ESR2: variants seen among roughly 807,000 people sequenced by gnomAD.
The protein encoded by ESR2 is estrogen receptor 2, also known as estrogen receptor beta.
Under a neutral mutation model 49.6 loss-of-function variants are expected in ESR2, and 36 were observed. The ratio of observed to expected loss-of-function variants is 0.73; its 90% CI spans 0.56 to 0.96. The LOEUF is 0.96. Ranked by LOEUF, ESR2 falls within the 40% of genes least tolerant of loss-of-function variation. ESR2 has a pLI of 0.00. For synonymous variants in ESR2, 320 were observed against 266.1 expected (o/e 1.20, Z -1.97); for missense variants, 714 against 693.0 (o/e 1.03, Z -0.34).
At chr14:64,243,868 G>A (rs1022419656) in intron 7 of ESR2, among the ~76,000 whole-genome samples, 10 of 152,136 alleles carry the variant, frequency 6.6e-5, no homozygotes, top group Non-Finnish European at 1.5e-4. Context: ...GACTTGAAGA[G>A]GACTCTCCAT....
chr14:64,249,861 G>A (rs777766363), intron 6 of ESR2, among the ~76,000 whole-genome samples, 182 bp from the exon 7 acceptor site: 14 of 152,158 alleles, frequency 9.2e-5, no homozygotes, highest in Non-Finnish European at 1.8e-4. Flanking sequence ...TACTAGAATT[G>A]TCTTCATATA....
At chr14:64,282,197 G>C (rs995085708) in intron 2 of ESR2, among the ~76,000 whole-genome samples, 1 of 152,036 alleles carries the variant, frequency 6.6e-6, no homozygotes, top group Non-Finnish European at 1.5e-5. Context: ...TTTAAAAAAT[G>C]AGCTGGGCGT....
intron 1 of ESR2, among the ~76,000 whole-genome samples, chr14:64,293,287 A>C (rs1284055202): frequency 6.6e-6 from 1 of 152,218 alleles, no homozygotes; most frequent in Non-Finnish European, 1.5e-5. Context: ...GCAAAAGTAA[A>C]ACTTTCTAAT....
rs527560051 is a variant in ESR2 at position 64,266,045 on chromosome 14, A to G, written c.652+2750T>C. The stretch of plus-strand genomic sequence containing the variant: ...TCCCATTGTATATGTGCAACAACCC[A>G]TCTCATTTCTTCCATAATCTCCAAA... On this transcript the variant is annotated intron_variant, in intron 4 of 8. Transcript: ENST00000341099. Among the ~76,000 whole-genome samples the G allele has an allele frequency of 3.9e-5, 6 of 152,318 alleles. No individual in the cohort carries two copies. The South Asian group carries it at 1.2e-3, about 32-fold the overall frequency.
At chr14:64,335,578 G>A (rs1374478644) in intron 1 of ESR2, among the ~76,000 whole-genome samples, 1 of 152,150 alleles carries the variant, frequency 6.6e-6, no homozygotes. Flanking sequence ...CCCCATCTGC[G>A]TGACCTCATC....
At position 64,282,915 on chromosome 14, in the gene ESR2, G is replaced by A. The variant is rs1195522522; in HGVS notation, c.71C>T (p.Pro24Leu). The A allele has an allele frequency of 6.2e-7, 1 of 1,613,742 alleles. No individual in the cohort carries two copies. Among genetic ancestry groups the A allele is most frequent in the African/African-American group, 1.3e-5 (1 of 74,928 alleles). ...TATGTATATGGAGCCGTGCTCCAGG[G>A]GTAAGATGGATTGACTGCAGTTGTA... ...SSYNCSQSIL[P>L]LEHGSIYIPS... Residue 24 changes from proline to leucine, a missense_variant, in exon 2 of 9, where the codon CCC becomes CTC. Pro to Leu is a moderately conservative substitution (Grantham distance 98). Transcript: ENST00000341099.
intron 8 of ESR2, 136 bp from the exon 9 acceptor site, chr14:64,233,459 T>A: frequency 1.3e-6 from 1 of 774,982 alleles, no homozygotes; most frequent in East Asian, 2.6e-5. Flanking sequence ...CATTTATCCA[T>A]GGCTCGTGCA....
At chr14:64,265,806 C>A (rs537033420) in intron 4 of ESR2, among the ~76,000 whole-genome samples, 134 of 152,126 alleles carry the variant, frequency 8.8e-4, no homozygotes, top group Non-Finnish European at 1.4e-3. Flanking sequence ...AGGGTGATAA[C>A]AGACTACATG....
At chr14:64,249,947 G>T (rs1434819800) in intron 6 of ESR2, among the ~76,000 whole-genome samples, 2 of 152,138 alleles carry the variant, frequency 1.3e-5, no homozygotes, top group Non-Finnish European at 1.5e-5. Context: ...AATGTGCATT[G>T]GAATATTTTC....
chr14:64,327,767 G>A (rs1045094312), intron 1 of ESR2, among the ~76,000 whole-genome samples: 3 of 151,744 alleles, frequency 2.0e-5, no homozygotes, highest in African/African-American at 7.3e-5. Flanking sequence ...TACTTCAGAG[G>A]CTGAGGGAGG....
intron 1 of ESR2, among the ~76,000 whole-genome samples, chr14:64,318,740 A>T (rs1242496526): frequency 1.3e-5 from 2 of 151,146 alleles, no homozygotes; most frequent in African/African-American, 4.9e-5. Flanking sequence ...TCTCTACAAA[A>T]GAAAAAATTT....
At chr14:64,227,335 C>G, downstream of ESR2, 1 of 632,286 alleles carries the variant, frequency 1.6e-6, no homozygotes, top group Non-Finnish European at 2.7e-6. Flanking sequence ...AATCCGTCTT[C>G]ACTTTAGCGT....
intron 2 of ESR2, among the ~76,000 whole-genome samples, chr14:64,282,107 G>A (rs1169579541): frequency 6.6e-6 from 1 of 152,202 alleles, no homozygotes; most frequent in Non-Finnish European, 1.5e-5. Context: ...ACTTTGGGAG[G>A]CCAAGGCAGG....
intron 6 of ESR2, among the ~76,000 whole-genome samples, chr14:64,255,455 G>A (rs1345574633): frequency 1.3e-5 from 2 of 152,204 alleles, no homozygotes; most frequent in South Asian, 4.2e-4. Flanking sequence ...AAGTAAAACA[G>A]GGCTGTTCTC....
chr14:64,239,775 T>C (rs1416878560), intron 7 of ESR2, among the ~76,000 whole-genome samples: 1 of 152,224 alleles, frequency 6.6e-6, no homozygotes, highest in Admixed American at 6.5e-5. Flanking sequence ...AGGCTAAGTA[T>C]GATACAGGAA....
Position 64,283,046 on chromosome 14 carries a change from T to G in ESR2, c.-61A>C, listed in dbSNP as rs1291520305. On this transcript the variant is annotated 5_prime_UTR_variant, in exon 2 of 9. Coordinates refer to ENST00000341099, the MANE Select transcript of ESR2 (RefSeq NM_001437.3). Reference sequence around the variant, plus strand: ...AAGAGGCACAAAGGTCATTATAATGTTCTCAAAGATTCGTGGGCAAGTATA... The same window carrying G: ...AAGAGGCACAAAGGTCATTATAATGGTCTCAAAGATTCGTGGGCAAGTATA... The G allele has an allele frequency of 6.6e-7, 1 of 1,517,426 alleles. No homozygotes were observed. The highest frequency in any genetic ancestry group is 2.3e-5 in the East Asian group (1 of 44,106). 94.0% of individuals were successfully genotyped at this position (1,517,426 alleles called of 1,614,324 possible). A position where few individuals can be genotyped will look rare whatever the true frequency, so the allele number is the denominator to read the frequency against.
At chr14:64,309,882 C>T (rs959238706) in intron 1 of ESR2, among the ~76,000 whole-genome samples, 4 of 151,786 alleles carry the variant, frequency 2.6e-5, no homozygotes, top group African/African-American at 9.7e-5. Context: ...GTCAGGAGAT[C>T]GAGACCATCC....
Position 64,302,188 on chromosome 14 carries a change from A to T in ESR2, c.-90-19113T>A, listed in dbSNP as rs895818876. Among the ~76,000 whole-genome samples, 38 of 144,074 alleles carry T rather than the reference A, an allele frequency of 2.6e-4. No individual in the cohort carries two copies. The East Asian group carries it at 4.4e-3, about 17-fold the overall frequency. The allele number at this position is 144,074 out of a possible 152,430, so 94.5% of individuals were successfully genotyped here. ...TATTTATTTATTTATTTATTTATTT[A>T]TTTATTTATTTATTTTTTGAGACAG... On this transcript the variant is annotated intron_variant, in intron 1 of 8. Coordinates refer to the ESR2 transcript ENST00000358599.
intron 3 of ESR2, among the ~76,000 whole-genome samples, chr14:64,278,700 C>T (rs1324664888): frequency 6.6e-6 from 1 of 152,072 alleles, no homozygotes; most frequent in Non-Finnish European, 1.5e-5. Flanking sequence ...CAAATCAGGG[C>T]TGGTACGAGA....
Sources: gnomAD v4.1 joint callset for allele counts (sites outside exome capture counted in the v4.1 genomes callset) on GRCh38, gnomAD v4.1.1 for gene constraint, MANE v1.5 for transcripts, NCBI Gene and HGNC (gene_info 2026-07-23, HGNC 2026-07-21) for gene names.